CNTNAP2: variants seen among roughly 807,000 people sequenced by gnomAD.
CNTNAP2 encodes the protein contactin-associated protein-like 2.
In CNTNAP2, 98 loss-of-function variants were observed where a neutral mutation model predicts 155.2. That is an observed-to-expected ratio of 0.63 (90% CI 0.54 to 0.75). The LOEUF is 0.75. CNTNAP2 is among the 30% of genes least tolerant of loss of function. CNTNAP2 has a pLI of 0.00. For synonymous variants in CNTNAP2, 651 were observed against 631.2 expected (o/e 1.03, Z -0.47); for missense variants, 1,727 against 1,688.1 (o/e 1.02, Z -0.40).
intron 9 of CNTNAP2, among the ~76,000 whole-genome samples, chr7:147,347,461 TATATATATATATATGC>T (rs1305974654): frequency 3.2e-5 from 2 of 62,522 alleles, no homozygotes; most frequent in Non-Finnish European, 7.0e-5. Flanking sequence ...TATATGCATA[TATATATATATATATGC>T]ATATATATAT....
At chr7:147,947,460 A>T (rs995938355) in intron 14 of CNTNAP2, among the ~76,000 whole-genome samples, 7 of 139,850 alleles carry the variant, frequency 5.0e-5, no homozygotes, top group African/African-American at 2.2e-4. Flanking sequence ...TCTACAAAAA[A>T]AAAAAAAAAA....
intron 4 of CNTNAP2, among the ~76,000 whole-genome samples, chr7:147,064,830 C>A (rs1056969177): frequency 2.0e-5 from 3 of 152,076 alleles, no homozygotes; most frequent in Non-Finnish European, 4.4e-5. Flanking sequence ...GTTGGCTGAC[C>A]TTGTTTCAGT....
chr7:146,906,862 G>A (rs889210253), intron 3 of CNTNAP2, among the ~76,000 whole-genome samples: 1 of 148,978 alleles, frequency 6.7e-6, no homozygotes, highest in Non-Finnish European at 1.5e-5. Flanking sequence ...CTGAGCTACG[G>A]GAGGACATTC....
chr7:147,190,978 GA>G (rs1031404771), intron 8 of CNTNAP2, among the ~76,000 whole-genome samples: 62 of 151,824 alleles, frequency 4.1e-4, no homozygotes, highest in African/African-American at 1.4e-3. Context: ...CAAATAATAA[GA>G]AAAAAGTCAG....
At chr7:146,796,407 T>G (rs1802769367) in intron 2 of CNTNAP2, among the ~76,000 whole-genome samples, 1 of 152,002 alleles carries the variant, frequency 6.6e-6, no homozygotes, top group African/African-American at 2.4e-5. Context: ...GCTGTAAAAT[T>G]GGGGTTTTGA....
chr7:146,200,676 G>A (rs1365762151), intron 1 of CNTNAP2, among the ~76,000 whole-genome samples: 1 of 152,082 alleles, frequency 6.6e-6, no homozygotes, highest in Non-Finnish European at 1.5e-5. Flanking sequence ...AGGAGAAATA[G>A]GACATGCCAT....
chr7:147,926,126 C>A (rs536989921), intron 14 of CNTNAP2, among the ~76,000 whole-genome samples: 3 of 152,206 alleles, frequency 2.0e-5, no homozygotes, highest in African/African-American at 7.2e-5. Flanking sequence ...GCTGATTATA[C>A]CTTCTTCAAA....
At chr7:147,473,031 G>T (rs10236481) in intron 10 of CNTNAP2, among the ~76,000 whole-genome samples, 118,445 of 151,978 alleles carry the variant, frequency 0.78, 46,512 homozygotes, top group African/African-American at 0.87. Flanking sequence ...AGTTAAGGAG[G>T]GGCCAGGAAG....
intron 4 of CNTNAP2, among the ~76,000 whole-genome samples, chr7:147,084,728 GATA>G (rs1273816330): frequency 1.0e-4 from 15 of 146,914 alleles, no homozygotes; most frequent in East Asian, 1.0e-3. Context: ...AATGCTGTAT[GATA>G]ATTATATATA....
intron 12 of CNTNAP2, among the ~76,000 whole-genome samples, chr7:147,580,697 C>T (rs765714340): frequency 5.3e-5 from 8 of 151,858 alleles, no homozygotes; most frequent in African/African-American, 1.9e-4. Context: ...CTCACTGCAA[C>T]CTTCGCCTCC....
intron 1 of CNTNAP2, among the ~76,000 whole-genome samples, chr7:146,413,648 ATC>A (rs1287215996): frequency 3.3e-5 from 5 of 151,622 alleles, no homozygotes; most frequent in Non-Finnish European, 5.9e-5. Flanking sequence ...CTTCTTCCTT[ATC>A]TCTCTCTTCC....
rs148183904 is a variant in CNTNAP2 at position 146,683,377 on chromosome 7, A to C, written c.98-90894A>C. ...TTCAGTGATTTGGCGGGGAGTGGGAATCCTTGTTGCTTAATATTTTCCTCA... is the reference window on the plus strand; with the variant it reads ...TTCAGTGATTTGGCGGGGAGTGGGACTCCTTGTTGCTTAATATTTTCCTCA... On this transcript the variant is annotated intron_variant, in intron 1 of 23. Coordinates refer to ENST00000361727, the MANE Select transcript of CNTNAP2 (RefSeq NM_014141.6). Among the ~76,000 whole-genome samples the C allele has an allele frequency of 8.3e-3, 1,270 of 152,266 alleles. 23 individuals are homozygous for C. The highest frequency in any genetic ancestry group is 0.028 in the African/African-American group (1,175 of 41,554).
intron 1 of CNTNAP2, among the ~76,000 whole-genome samples, chr7:146,434,736 A>T (rs1385061625): frequency 6.6e-6 from 1 of 152,234 alleles, no homozygotes; most frequent in African/African-American, 2.4e-5. Flanking sequence ...ATATTAGAGA[A>T]GGTTAAAACA....
intron 20 of CNTNAP2, among the ~76,000 whole-genome samples, chr7:148,264,385 T>C (rs529752172): frequency 3.9e-5 from 6 of 152,330 alleles, no homozygotes; most frequent in African/African-American, 1.4e-4. Flanking sequence ...TCATTTTTTC[T>C]ATAACGAACG....
intron 9 of CNTNAP2, among the ~76,000 whole-genome samples, chr7:147,370,090 G>A (rs1796315805): frequency 6.6e-6 from 1 of 152,140 alleles, no homozygotes; most frequent in African/African-American, 2.4e-5. Flanking sequence ...GGTTGCAGTT[G>A]TCACCTCAGT....
intron 10 of CNTNAP2, among the ~76,000 whole-genome samples, chr7:147,398,028 T>C: frequency 6.6e-6 from 1 of 152,138 alleles, no homozygotes; most frequent in South Asian, 2.1e-4. Context: ...AGCAGATTCC[T>C]TTAGTCACCT....
chr7:148,179,423 C>T lies in CNTNAP2; in HGVS notation c.3010+6945C>T, dbSNP rs754955584. Among the ~76,000 whole-genome samples the T allele has an allele frequency of 1.3e-4, 20 of 152,068 alleles. No individual in the cohort carries two copies. In the East Asian group the frequency reaches 3.1e-3, roughly 24 times the overall value. On this transcript the variant is annotated intron_variant, in intron 18 of 23. Coordinates refer to ENST00000361727, the MANE Select transcript of CNTNAP2 (RefSeq NM_014141.6). ...TTGGGAGGCTGAGATGGGAGGATTG[C>T]TTGAGCTCAGGAGGTCAAGGCTTCA...
chr7:147,996,512 AT>A (rs1267466895), intron 15 of CNTNAP2, among the ~76,000 whole-genome samples: 1 of 152,226 alleles, frequency 6.6e-6, no homozygotes, highest in Non-Finnish European at 1.5e-5. Context: ...TGGGAAAGTT[AT>A]TTAATTTCAC....
intron 11 of CNTNAP2, among the ~76,000 whole-genome samples, chr7:147,560,549 A>T (rs919162260): frequency 6.6e-6 from 1 of 152,100 alleles, no homozygotes; most frequent in East Asian, 1.9e-4. Flanking sequence ...CTGGGACAAA[A>T]GTTGTCTGGG....
Sources: allele counts gnomAD v4.1 joint callset (sites outside exome capture counted in the v4.1 genomes callset), GRCh38; gene constraint gnomAD v4.1.1; transcripts MANE v1.5; gene names NCBI Gene and HGNC (gene_info 2026-07-23, HGNC 2026-07-21).